The following MIA2 variants were observed in gnomAD, a reference collection of about 807,000 sequenced individuals.
The protein encoded by MIA2 is MIA SH3 domain ER export factor 2, also known as melanoma inhibitory activity protein 2.
A neutral mutation model predicts 167.8 loss-of-function variants in MIA2; 127 were observed. The observed-to-expected ratio is 0.76, with a 90% CI of 0.66 to 0.88. The LOEUF (loss-of-function observed/expected upper bound fraction) is 0.88. Among genes scored for constraint, MIA2 ranks in the 40% least tolerant of loss-of-function variants. MIA2 has a pLI of 0.00. For missense variants in MIA2, 1,690 were observed against 1,624.7 expected, an observed-to-expected ratio of 1.04 and a Z score of -0.69; for synonymous variants, 552 against 541.9, an observed-to-expected ratio of 1.02 and a Z score of -0.26.
chr14:39,341,444 T>A (rs1054021637), intron 25 of MIA2, among the ~76,000 whole-genome samples: 1 of 152,204 alleles, frequency 6.6e-6, no homozygotes, highest in African/African-American at 2.4e-5. Flanking sequence ...AGTGAAACCC[T>A]GGAATATTAA....
At chr14:39,256,203 C>T (rs1418194801) in intron 6 of MIA2, among the ~76,000 whole-genome samples, 1 of 152,172 alleles carries the variant, frequency 6.6e-6, no homozygotes, top group East Asian at 1.9e-4. Context: ...TTTATGTCAA[C>T]TGCTTGGTCT....
intron 9 of MIA2, among the ~76,000 whole-genome samples, chr14:39,285,418 G>C (rs1442297997): frequency 4.7e-5 from 7 of 148,872 alleles, no homozygotes; most frequent in East Asian, 4.1e-4. Flanking sequence ...GGCTGGCCGG[G>C]CGGGGGCTGA....
At chr14:39,381,667 G>GTTTTTTTTTTTTTT (rs398057014) in intron 23 of MIA2, among the ~76,000 whole-genome samples, 5 of 145,306 alleles carry the variant, frequency 3.4e-5, no homozygotes, top group Non-Finnish European at 7.5e-5. Context: ...TTTGCTGGCT[G>GTTTTTTTTTTTTTT]TTTTTTTTTT....
intron 7 of MIA2, among the ~76,000 whole-genome samples, chr14:39,277,758 A>ATATATATGTGTG (rs2058350282): frequency 8.5e-5 from 2 of 23,578 alleles, no homozygotes; most frequent in Non-Finnish European, 7.0e-5. Context: ...GTATATATAT[A>ATATATATGTGTG]TATATATATA....
At chr14:39,297,724 A>G (rs962386323) in intron 13 of MIA2, among the ~76,000 whole-genome samples, 3 of 146,408 alleles carry the variant, frequency 2.0e-5, no homozygotes, top group Non-Finnish European at 4.5e-5. Flanking sequence ...AGACAGAGAT[A>G]GAGAATGAAT....
intron 6 of MIA2, among the ~76,000 whole-genome samples, chr14:39,257,000 A>G (rs577303588): frequency 6.6e-6 from 1 of 152,246 alleles, no homozygotes; most frequent in African/African-American, 2.4e-5. Context: ...ATTCTTTTGC[A>G]TTTGCTGAGG....
At chr14:39,274,168 C>T (rs548445581) in intron 6 of MIA2, among the ~76,000 whole-genome samples, 11 of 152,038 alleles carry the variant, frequency 7.2e-5, no homozygotes, top group Non-Finnish European at 1.5e-4. Flanking sequence ...TTAATCACTA[C>T]CGTACTTTAT....
At chr14:39,336,850 A>T (rs73279314) in intron 25 of MIA2, among the ~76,000 whole-genome samples, 2 of 152,096 alleles carry the variant, frequency 1.3e-5, no homozygotes, top group South Asian at 4.1e-4. Context: ...ATCTCAAGCA[A>T]TCCTCCCCTC....
chr14:39,238,265 C>T (rs1466570435), intron 2 of MIA2, among the ~76,000 whole-genome samples: 3 of 151,910 alleles, frequency 2.0e-5, no homozygotes, highest in Non-Finnish European at 2.9e-5. Context: ...CTCTACTTCC[C>T]GGGTTCAAGC....
chr14:39,319,183 T>TA (rs745922038), intron 22 of MIA2, 26 bp from the exon 23 acceptor site: 4 of 1,355,650 alleles, frequency 3.0e-6, no homozygotes, highest in Non-Finnish European at 4.0e-6. Flanking sequence ...ATGAGTAACT[T>TA]AGAGATGTTT....
chr14:39,342,870 G>A (rs2153058369), intron 25 of MIA2, among the ~76,000 whole-genome samples: 1 of 152,174 alleles, frequency 6.6e-6, no homozygotes, highest in Admixed American at 6.5e-5. Flanking sequence ...TTAAAGTTCT[G>A]TTTTATCAGC....
chr14:39,330,316 C>A (rs139467788), intron 25 of MIA2, among the ~76,000 whole-genome samples: 2 of 152,162 alleles, frequency 1.3e-5, no homozygotes, highest in African/African-American at 2.4e-5. Flanking sequence ...GTGGTGATAT[C>A]CCCTTTATCA....
intron 18 of MIA2, among the ~76,000 whole-genome samples, chr14:39,313,131 GAC>G (rs1407433512): frequency 2.0e-5 from 3 of 147,186 alleles, no homozygotes; most frequent in Non-Finnish European, 4.5e-5. Context: ...TTCTGTATTA[GAC>G]ACAATGCTTT....
At chr14:39,363,919 T>C (rs1357560671) in intron 23 of MIA2, among the ~76,000 whole-genome samples, 1 of 152,158 alleles carries the variant, frequency 6.6e-6, no homozygotes, top group Non-Finnish European at 1.5e-5. Context: ...TCTTTACAGG[T>C]GATGTGATTT....
At chr14:39,342,453 A>G (rs186012193) in intron 25 of MIA2, among the ~76,000 whole-genome samples, 2 of 152,256 alleles carry the variant, frequency 1.3e-5, no homozygotes, top group East Asian at 1.9e-4. Flanking sequence ...GCTATTGTGA[A>G]TAGTGCCTCA....
chr14:39,267,979 C>CG (rs1246747382), intron 6 of MIA2, among the ~76,000 whole-genome samples: 4 of 79,794 alleles, frequency 5.0e-5, no homozygotes, highest in Admixed American at 1.2e-4. Context: ...TTTGATTCTG[C>CG]ATTTTTTTTT....
chr14:39,352,356 C>A (rs893886158), downstream of MIA2, among the ~76,000 whole-genome samples: 1 of 151,882 alleles, frequency 6.6e-6, no homozygotes, highest in East Asian at 1.9e-4. Flanking sequence ...GTTTTTATTT[C>A]TTTATTCTAT....
At chr14:39,285,617 GCCCCCC>G (rs1162965467) in intron 9 of MIA2, among the ~76,000 whole-genome samples, 9 of 8,792 alleles carry the variant, frequency 1.0e-3, no homozygotes, top group Admixed American at 2.0e-3. Flanking sequence ...GGCGGGGGCT[GCCCCCC>G]ACCTCCCTCC....
chr14:39,242,949 CCCGTCTCTA>C (rs1382634347), intron 3 of MIA2, among the ~76,000 whole-genome samples: 1 of 151,574 alleles, frequency 6.6e-6, no homozygotes, highest in Non-Finnish European at 1.5e-5. Flanking sequence ...ATGGTGAAAC[CCCGTCTCTA>C]CTAAAAATAC....
Sources: allele counts gnomAD v4.1 joint callset (sites outside exome capture counted in the v4.1 genomes callset), GRCh38; gene constraint gnomAD v4.1.1; transcripts MANE v1.5; gene names NCBI Gene and HGNC (gene_info 2026-07-23, HGNC 2026-07-21).